The following TENM3 variants were observed in gnomAD, a reference collection of about 807,000 sequenced individuals.
TENM3 encodes the protein teneurin transmembrane protein 3.
In TENM3, 63 loss-of-function variants were observed where a neutral mutation model predicts 255.1. The observed-to-expected ratio is 0.25, with a 90% CI of 0.20 to 0.30. TENM3 has a LOEUF of 0.30. TENM3 is among the 10% of genes least tolerant of loss of function. TENM3 has a pLI of 1.00. For missense variants in TENM3, 2,929 were observed against 3,461.1 expected, an observed-to-expected ratio of 0.85 and a Z score of 3.86; for synonymous variants, 1,306 against 1,322.3, an observed-to-expected ratio of 0.99 and a Z score of 0.27.
At chr4:182,227,589 A>G (rs1485288440) in intron 1 of TENM3, among the ~76,000 whole-genome samples, 1 of 151,450 alleles carries the variant, frequency 6.6e-6, no homozygotes, top group Non-Finnish European at 1.5e-5. Flanking sequence ...CTAGCTACTA[A>G]GAAGCCTCGC....
At chr4:182,750,988 T>A (rs1250960259) in intron 19 of TENM3, among the ~76,000 whole-genome samples, 1 of 152,238 alleles carries the variant, frequency 6.6e-6, no homozygotes, top group Non-Finnish European at 1.5e-5. Flanking sequence ...TGTCCCCTCC[T>A]TAACAGTGTT....
At chr4:181,818,401 G>C in the TENM3 span, among the ~76,000 whole-genome samples, 106 of 152,230 alleles carry the variant, frequency 7.0e-4, 3 homozygotes, top group South Asian at 0.021. Flanking sequence ...TCAGCTTGTA[G>C]ACATTCCAAC....
chr4:182,748,618 A>G (rs1762169054), intron 19 of TENM3, among the ~76,000 whole-genome samples: 1 of 152,202 alleles, frequency 6.6e-6, no homozygotes, highest in South Asian at 2.1e-4. Flanking sequence ...AGAAATATCC[A>G]GACTCACTTT....
intron 2 of TENM3, among the ~76,000 whole-genome samples, chr4:182,325,237 T>C (rs966963943): frequency 1.3e-5 from 2 of 152,230 alleles, no homozygotes; most frequent in African/African-American, 2.4e-5. Context: ...CAGTCTGATA[T>C]TGGGCAGGAA....
At chr4:181,837,231 G>T in the TENM3 span, among the ~76,000 whole-genome samples, 2 of 151,910 alleles carry the variant, frequency 1.3e-5, no homozygotes, top group African/African-American at 2.4e-5. Context: ...TGTCTTAGCA[G>T]ACTGTCTATG....
chr4:182,269,849 A>C (rs1759498772), intron 1 of TENM3, among the ~76,000 whole-genome samples: 1 of 152,130 alleles, frequency 6.6e-6, no homozygotes, highest in Non-Finnish European at 1.5e-5. Flanking sequence ...AGTGTACCCA[A>C]GGAGGTTGGC....
chr4:181,609,292 G>T, the TENM3 span, among the ~76,000 whole-genome samples: 4 of 152,274 alleles, frequency 2.6e-5, no homozygotes, highest in Non-Finnish European at 5.9e-5. Context: ...AAGTTGGATA[G>T]AAATGCTTAT....
At chr4:181,729,653 G>A in the TENM3 span, among the ~76,000 whole-genome samples, 1 of 152,200 alleles carries the variant, frequency 6.6e-6, no homozygotes, top group African/African-American at 2.4e-5. Flanking sequence ...TCACGTGACA[G>A]AGCAGCTGGT....
chr4:182,138,827 A>G, the TENM3 span, among the ~76,000 whole-genome samples: 1 of 152,180 alleles, frequency 6.6e-6, no homozygotes. Flanking sequence ...ACTTCGCATT[A>G]TGATTCTGAG....
At chr4:181,697,211 C>A in the TENM3 span, among the ~76,000 whole-genome samples, 26 of 152,240 alleles carry the variant, frequency 1.7e-4, no homozygotes, top group Middle Eastern at 3.4e-3. Flanking sequence ...CTGAGAGTGG[C>A]GAGTGCCTTG....
the TENM3 span, among the ~76,000 whole-genome samples, chr4:181,875,187 C>T: frequency 1.3e-5 from 2 of 152,170 alleles, no homozygotes; most frequent in African/African-American, 4.8e-5. Flanking sequence ...ATAAATAAGG[C>T]AGATATGTCT....
the TENM3 span, among the ~76,000 whole-genome samples, chr4:182,115,706 T>C: frequency 4.6e-5 from 7 of 152,326 alleles, no homozygotes; most frequent in African/African-American, 1.4e-4. Flanking sequence ...CAGCCACTGC[T>C]TGGCAGCAAT....
the TENM3 span, among the ~76,000 whole-genome samples, chr4:182,033,587 C>A: frequency 6.6e-6 from 1 of 152,096 alleles, no homozygotes; most frequent in South Asian, 2.1e-4. Context: ...TCTTGAATAT[C>A]TTTGTTACTT....
At chr4:181,742,522 C>A in the TENM3 span, among the ~76,000 whole-genome samples, 8 of 151,828 alleles carry the variant, frequency 5.3e-5, no homozygotes, top group South Asian at 1.3e-3. Context: ...TCTCATGGGG[C>A]TTATATTCTT....
In TENM3 at chr4:182,628,872, T is replaced by C. The variant is rs758887517; in HGVS notation, c.971T>C (p.Leu324Pro). The C allele has an allele frequency of 1.3e-6, 2 of 1,596,272 alleles. No individual in the cohort carries two copies. The highest frequency in any genetic ancestry group is 1.1e-5 in the South Asian group (1 of 88,348). The change falls in exon 5 of 28, where the codon CTC (leucine) becomes CCC (proline). Residue 324 changes from leucine to proline, a missense_variant. By Grantham distance (98) the Leu-to-Pro change is moderately conservative. This residue lies in a region of TENM3 where 1,608 missense variants were observed against 1,884.4 expected (regional missense o/e 0.85). Coordinates refer to ENST00000511685, the MANE Select transcript of TENM3 (RefSeq NM_001080477.4). ...GGGGTCTCGGTGCTCCTGGCAATAC[T>C]CCTGTCTTATTTTATAGGTAAGAAC... ...AVGVSVLLAI[L>P]LSYFIAMHLF... is the part of the protein sequence containing the mutation.
chr4:182,312,192 C>T (rs1446217626), intron 1 of TENM3, among the ~76,000 whole-genome samples: 4 of 152,046 alleles, frequency 2.6e-5, no homozygotes, highest in Admixed American at 6.5e-5. Flanking sequence ...CATGAAAAAG[C>T]GTTTAATAAA....
Position 182,331,036 on chromosome 4 carries a change from A to G in TENM3, c.232+6784A>G, listed in dbSNP as rs2150551211. On this transcript the variant is annotated intron_variant, in intron 2 of 27. Coordinates refer to ENST00000511685, the MANE Select transcript of TENM3 (RefSeq NM_001080477.4). The stretch of plus-strand genomic sequence containing the variant: ...GACAATGACAAACATATATTTGAAT[A>G]TGAATGTCAGGAGTGGGAAGGTAAT... Among the ~76,000 whole-genome samples, 2 of 152,354 alleles carry G rather than the reference A, an allele frequency of 1.3e-5. 1 individual carries two copies. Among genetic ancestry groups the G allele is most frequent in the South Asian group, 4.1e-4 (2 of 4,828 alleles).
the TENM3 span, among the ~76,000 whole-genome samples, chr4:181,996,952 T>C: frequency 6.6e-6 from 1 of 152,198 alleles, no homozygotes; most frequent in Non-Finnish European, 1.5e-5. Flanking sequence ...GAATGACTGA[T>C]GGTCTTCCTA....
intron 6 of TENM3, among the ~76,000 whole-genome samples, chr4:182,664,461 GA>G (rs1444895517): frequency 6.6e-6 from 1 of 152,088 alleles, no homozygotes; most frequent in African/African-American, 2.4e-5. Flanking sequence ...AAACAGTATT[GA>G]AATTAGGCCA....
Sources: gnomAD v4.1 joint callset for allele counts (sites outside exome capture counted in the v4.1 genomes callset) on GRCh38, gnomAD v4.1.1 for gene constraint, gnomAD v4.1.1 regional missense constraint, MANE v1.5 for transcripts, NCBI Gene and HGNC (gene_info 2026-07-23, HGNC 2026-07-21) for gene names.